UFL1: variants seen among roughly 807,000 people sequenced by gnomAD.
The protein encoded by UFL1 is UFM1 specific ligase 1.
UFL1 carries 78 observed loss-of-function variants against 99.3 expected under a neutral mutation model. That is an observed-to-expected ratio of 0.79 (90% CI 0.65 to 0.95). The LOEUF (loss-of-function observed/expected upper bound fraction) is 0.95, where lower values mean the gene tolerates loss of function less well. Ranked by LOEUF, UFL1 falls within the 40% of genes least tolerant of loss-of-function variation. UFL1 has a pLI of 0.00. For synonymous variants in UFL1, 335 were observed against 322.2 expected, an observed-to-expected ratio of 1.04 and a Z score of -0.42; for missense variants, 936 against 937.0, an observed-to-expected ratio of 1.00 and a Z score of 0.01.
At chr6:96,528,762 A>G (rs1299571448) in intron 6 of UFL1, 130 bp downstream of exon 6, 2 of 1,172,058 alleles carry the variant, frequency 1.7e-6, no homozygotes, top group Non-Finnish European at 2.3e-6. Context: ...TTAAACAGAT[A>G]AAAGGGCAGC....
At position 96,552,465 on chromosome 6, in the gene UFL1, C is replaced by CTTT; in HGVS notation, c.1986-5_1986-3dup. 3.8e-5 allele frequency: 50 copies of CTTT among 1,325,220 alleles called. No individual in the cohort carries two copies. The highest frequency in any genetic ancestry group is 2.2e-4 in the South Asian group (15 of 67,424). The allele number at this position is 1,325,220 out of a possible 1,614,324, so 82.1% of individuals were successfully genotyped here. Reference sequence around the variant, plus strand: ...TAAATTATGATAATGAATTTGTGTGCTTTTTTTTTTTTTTAGACAGATACT... The same window carrying CTTT: ...TAAATTATGATAATGAATTTGTGTGCTTTTTTTTTTTTTTTTTAGACAGATACT... On this transcript the variant is annotated splice_polypyrimidine_tract_variant and intron_variant, in intron 17 of 18. Transcript: ENST00000369278.
At chr6:96,541,847 T>TC (rs1311727572) in intron 11 of UFL1, among the ~76,000 whole-genome samples, 3 of 150,974 alleles carry the variant, frequency 2.0e-5, no homozygotes, top group South Asian at 2.1e-4. Context: ...TCATGAATGT[T>TC]CCCCCCCATA....
At chr6:96,535,561 T>C (rs1769841190) in intron 7 of UFL1, among the ~76,000 whole-genome samples, 1 of 151,980 alleles carries the variant, frequency 6.6e-6, no homozygotes, top group South Asian at 2.1e-4. Context: ...TGAGATGATA[T>C]TGTTATTATC....
At chr6:96,530,036 T>C (rs1390987552) in intron 6 of UFL1, among the ~76,000 whole-genome samples, 1 of 152,194 alleles carries the variant, frequency 6.6e-6, no homozygotes, top group African/African-American at 2.4e-5. Context: ...CATTGATTGA[T>C]TACTACCATC....
At chr6:96,552,002 C>T (rs965101721) in intron 17 of UFL1, 79 bp downstream of exon 17, 8 of 976,958 alleles carry the variant, frequency 8.2e-6, no homozygotes, top group South Asian at 2.9e-5. Flanking sequence ...TTTGACTGCC[C>T]GGCTCTTACA....
chr6:96,525,486 A>ATAAAT, intron 4 of UFL1, 92 bp downstream of exon 4: 1 of 912,206 alleles, frequency 1.1e-6, no homozygotes, highest in Non-Finnish European at 1.7e-6. Flanking sequence ...ATGGCCAGTT[A>ATAAAT]GACATTTCAT....
intron 12 of UFL1, among the ~76,000 whole-genome samples, chr6:96,544,418 TTAAATG>T (rs1240384191): frequency 1.3e-5 from 2 of 150,998 alleles, no homozygotes; most frequent in African/African-American, 2.4e-5. Context: ...AAAAAAAACT[TTAAATG>T]ATAATAGATT....
intron 6 of UFL1, among the ~76,000 whole-genome samples, chr6:96,533,753 CAAAAG>C (rs1562252614): frequency 3.6e-5 from 2 of 55,508 alleles, no homozygotes; most frequent in Non-Finnish European, 7.3e-5. Context: ...AACTGGTTAA[CAAAAG>C]AAATGCATAG....
chr6:96,537,557 T>A lies in UFL1; in HGVS notation c.978+8T>A. 6.4e-7 allele frequency: 1 copy of A among 1,563,708 alleles called. No homozygotes were observed. The highest frequency in any genetic ancestry group is 1.2e-5 in the South Asian group (1 of 83,892). Reference sequence around the variant, plus strand: ...ACATGGGTTGATATTGCAGTATGTTTTATCTTTTCCTCACTTTTCTTTAAA... The same window carrying A: ...ACATGGGTTGATATTGCAGTATGTTATATCTTTTCCTCACTTTTCTTTAAA... On this transcript the variant is annotated splice_region_variant and intron_variant, in intron 9 of 18. Coordinates refer to ENST00000369278, the MANE Select transcript of UFL1 (RefSeq NM_015323.5).
intron 6 of UFL1, among the ~76,000 whole-genome samples, chr6:96,532,845 C>T (rs1769801165): frequency 6.6e-6 from 1 of 152,112 alleles, no homozygotes; most frequent in South Asian, 2.1e-4. Flanking sequence ...GACTAAAGCC[C>T]CTGCTGTGCT....
chr6:96,553,791 G>T lies in UFL1; in HGVS notation c.*288G>T. ...ATAATTTTAAAAATTACATATTTCA[G>T]GTTTGTTCTCTTTCCAAATGTTGAA... is the stretch of plus-strand genomic sequence containing the variant. On this transcript the variant is annotated 3_prime_UTR_variant, in exon 19 of 19. Transcript: ENST00000369278. 3.7e-6 allele frequency: 1 copy of T among 272,178 alleles called. No individual in the cohort carries two copies. Among genetic ancestry groups the T allele is most frequent in the Non-Finnish European group, 6.9e-6 (1 of 144,502 alleles). 16.9% of individuals were successfully genotyped at this position (272,178 alleles called of 1,614,324 possible).
intron 17 of UFL1, among the ~76,000 whole-genome samples, chr6:96,552,238 TCAAAA>T (rs1770091100): frequency 6.6e-6 from 1 of 151,970 alleles, no homozygotes; most frequent in Non-Finnish European, 1.5e-5. Context: ...CTCCAGCAAC[TCAAAA>T]CAAAAAACAT....
intron 7 of UFL1, among the ~76,000 whole-genome samples, 188 bp downstream of exon 7, chr6:96,534,509 A>G (rs1467176321): frequency 6.6e-6 from 1 of 151,654 alleles, no homozygotes; most frequent in Non-Finnish European, 1.5e-5. Flanking sequence ...AACGTTTAAT[A>G]TTGGTTAGCC....
At chr6:96,550,788 C>T (rs1770067720) in intron 15 of UFL1, among the ~76,000 whole-genome samples, 1 of 151,976 alleles carries the variant, frequency 6.6e-6, no homozygotes, top group African/African-American at 2.4e-5. Context: ...CCTTTAAGGG[C>T]CACAGAAGGA....
rs1048030181 is a variant in UFL1 at position 96,536,365 on chromosome 6, C to G, written c.777C>G (p.Ser259=). ...GGACACAGAGTACTTGGGTGGATTCCTTTTTCAGGCAGAATGGCTATCTAG... is the reference window on the plus strand; with the variant it reads ...GGACACAGAGTACTTGGGTGGATTCGTTTTTCAGGCAGAATGGCTATCTAG... ...YSRTQSTWVD[S]FFRQNGYLEF... The change falls in exon 8 of 19, where the codon TCC becomes TCG. Residue 259 remains serine (S), a synonymous_variant. Coordinates refer to ENST00000369278, the MANE Select transcript of UFL1 (RefSeq NM_015323.5). The G allele has an allele frequency of 6.2e-6, 10 of 1,604,734 alleles. No individual in the cohort carries two copies. The African/African-American group carries it at 9.4e-5, about 15-fold the overall frequency.
At position 96,555,059 on chromosome 6, in the gene UFL1, ATT is replaced by A. The variant is rs1273356185; in HGVS notation, c.*1557_*1558del. ...CAGTGAAGCAAGTAAAAAGAAAAGCATTGTTTTAATTTGTTTGCATTAATTTT... is the reference window on the plus strand; with the variant it reads ...CAGTGAAGCAAGTAAAAAGAAAAGCAGTTTTAATTTGTTTGCATTAATTTT... On this transcript the variant is annotated 3_prime_UTR_variant, in exon 19 of 19. Coordinates refer to ENST00000369278, the MANE Select transcript of UFL1 (RefSeq NM_015323.5). 2 of 152,550 alleles carry A rather than the reference ATT, an allele frequency of 1.3e-5. No individual in the cohort carries two copies. The highest frequency in any genetic ancestry group is 4.8e-5 in the African/African-American group (2 of 41,440). 9.4% of individuals were successfully genotyped at this position (152,550 alleles called of 1,614,324 possible). A position where few individuals can be genotyped will look rare whatever the true frequency, so the allele number is the denominator to read the frequency against.
intron 17 of UFL1, 47 bp from the exon 18 acceptor site, chr6:96,552,435 C>A: frequency 1.3e-6 from 2 of 1,489,070 alleles, no homozygotes; most frequent in Non-Finnish European, 1.8e-6. Flanking sequence ...TTGGTGAGAA[C>A]TTCTTAAATT....
intron 5 of UFL1, among the ~76,000 whole-genome samples, chr6:96,527,237 C>T (rs1012785207): frequency 2.0e-5 from 3 of 152,078 alleles, no homozygotes; most frequent in African/African-American, 7.2e-5. Context: ...ATACTGTCTG[C>T]ACCACTTATT....
At position 96,536,306 on chromosome 6, in the gene UFL1, G is replaced by A. The variant is rs760861177; in HGVS notation, c.718G>A (p.Asp240Asn). 6 of 1,611,396 alleles carry A rather than the reference G, an allele frequency of 3.7e-6. No individual in the cohort carries two copies. The highest frequency in any genetic ancestry group is 4.2e-6 in the Non-Finnish European group (5 of 1,178,146). The change falls in exon 8 of 19, where the codon GAT becomes AAT. Residue 240 changes from aspartate to asparagine, a missense_variant. By Grantham distance (23) the Asp-to-Asn change is conservative (BLOSUM62 1). Coordinates refer to ENST00000369278, the MANE Select transcript of UFL1 (RefSeq NM_015323.5). ...AGGCACTGTGGTTGGTGGGAGACAG[G>A]ATAAAGCTGTGTTTGTCCCTGACAT... is the stretch of plus-strand genomic sequence containing the variant. ...LRGTVVGGRQDKAVFVPDIYS... is the reference protein window; with the variant it reads ...LRGTVVGGRQNKAVFVPDIYS...
Sources: gnomAD v4.1 joint callset for allele counts (sites outside exome capture counted in the v4.1 genomes callset) on GRCh38, gnomAD v4.1.1 for gene constraint, MANE v1.5 for transcripts, NCBI Gene and HGNC (gene_info 2026-07-23, HGNC 2026-07-21) for gene names.